Variants in MAGI1 observed in about 807,000 individuals in gnomAD.
MAGI1 encodes the protein membrane-associated guanylate kinase, WW and PDZ domain-containing protein 1.
A neutral mutation model predicts 139.9 loss-of-function variants in MAGI1; 58 were observed. That is an observed-to-expected ratio of 0.41 (90% confidence interval 0.34 to 0.52). MAGI1 has a LOEUF of 0.52. Ranked by LOEUF, MAGI1 falls within the 20% of genes least tolerant of loss-of-function variation. The pLI is 0.12. For missense variants in MAGI1, 1,874 were observed against 1,901.6 expected, an observed-to-expected ratio of 0.99 and a Z score of 0.27; for synonymous variants, 812 against 737.9, an observed-to-expected ratio of 1.10 and a Z score of -1.63.
intron 1 of MAGI1, among the ~76,000 whole-genome samples, chr3:65,696,158 C>T (rs1224955803): frequency 6.6e-6 from 1 of 152,136 alleles, no homozygotes; most frequent in Admixed American, 6.6e-5. Context: ...GAAGCATTTT[C>T]CTCCATCAGA....
At position 65,999,636 on chromosome 3, in the gene MAGI1, C is replaced by T. The variant is rs115189236; in HGVS notation, c.313+38360G>A. Among the ~76,000 whole-genome samples the T allele has an allele frequency of 7.3e-3, 1,116 of 152,232 alleles. 10 individuals are homozygous for T. Among genetic ancestry groups the T allele is most frequent in the African/African-American group, 0.025 (1,047 of 41,558 alleles). On this transcript the variant is annotated intron_variant, in intron 1 of 22. Coordinates refer to ENST00000402939, the MANE Select transcript of MAGI1 (RefSeq NM_001033057.2). ...TTTCTCCATCTCAAATCACTTTCTA[C>T]ACATGGTATTAATGTTGGTTTATTC...
chr3:65,516,072 G>A (rs1314317289), intron 2 of MAGI1, among the ~76,000 whole-genome samples: 1 of 152,162 alleles, frequency 6.6e-6, no homozygotes, highest in Admixed American at 6.5e-5. Flanking sequence ...GGGTGCAGTG[G>A]CACACACTGA....
chr3:65,737,018 CTTTT>C (rs961269662), intron 1 of MAGI1, among the ~76,000 whole-genome samples: 4 of 131,404 alleles, frequency 3.0e-5, no homozygotes, highest in African/African-American at 1.1e-4. Context: ...TTTTTTTTTT[CTTTT>C]TGAGACGGAG....
In MAGI1 at chr3:65,812,699, C is replaced by CTTTT. The variant is rs539502538; in HGVS notation, c.314-190615_314-190612dup. ...AAACTGACTGGTTAAAGTTAGTTTA[C>CTTTT]TTTTTTTTTTTTTTTTTTTTTTTTT... On this transcript the variant is annotated intron_variant, in intron 1 of 22. Coordinates refer to ENST00000402939, the MANE Select transcript of MAGI1 (RefSeq NM_001033057.2). Among the ~76,000 whole-genome samples the CTTTT allele has an allele frequency of 7.1e-4, 52 of 72,908 alleles. 4 individuals are homozygous for CTTTT. The highest frequency in any genetic ancestry group is 0.017 in the Middle Eastern group (1 of 58). 47.8% of individuals were successfully genotyped at this position (72,908 alleles called of 152,430 possible).
rs534158199 is a variant in MAGI1, at chr3:65,919,584, C to A, written c.313+118412G>T. Among the ~76,000 whole-genome samples the A allele has an allele frequency of 2.3e-5, 3 of 130,240 alleles. No homozygotes were observed. The East Asian group carries it at 5.8e-4, about 25-fold the overall frequency. The allele number at this position is 130,240 out of a possible 152,430, so 85.4% of individuals were successfully genotyped here. A position where few individuals can be genotyped will look rare whatever the true frequency, so the allele number is the denominator to read the frequency against. On this transcript the variant is annotated intron_variant, in intron 1 of 22. Transcript: ENST00000402939. ...CTCAAAAAAAAACAAAAAGAAAAAA[C>A]AAACAAACAAAAAAGAAACAAACAA...
chr3:65,684,250 A>C (rs1398482303), intron 1 of MAGI1, among the ~76,000 whole-genome samples: 2 of 151,986 alleles, frequency 1.3e-5, no homozygotes, highest in Admixed American at 1.3e-4. Context: ...ATCCCAGAAA[A>C]AGGAAAATTT....
At chr3:65,412,567 C>G (rs1945878304) in intron 12 of MAGI1, among the ~76,000 whole-genome samples, 1 of 152,164 alleles carries the variant, frequency 6.6e-6, no homozygotes, top group Non-Finnish European at 1.5e-5. Context: ...GTCAACAGTT[C>G]AATAAACACC....
intron 1 of MAGI1, among the ~76,000 whole-genome samples, chr3:66,037,168 T>A (rs1223064979): frequency 6.6e-6 from 1 of 152,166 alleles, no homozygotes; most frequent in Admixed American, 6.5e-5. Context: ...TCCTTATCTC[T>A]AATTTGGGGT....
intron 1 of MAGI1, among the ~76,000 whole-genome samples, chr3:65,963,431 C>A (rs1327376640): frequency 6.6e-6 from 1 of 151,870 alleles, no homozygotes; most frequent in Non-Finnish European, 1.5e-5. Context: ...TCCTGGCCAA[C>A]ATGGTGAAAC....
intron 1 of MAGI1, among the ~76,000 whole-genome samples, chr3:65,979,527 C>T (rs1278665223): frequency 6.6e-6 from 1 of 152,152 alleles, no homozygotes; most frequent in African/African-American, 2.4e-5. Context: ...TCACTGTTGT[C>T]TTGCTTCAGG....
intron 1 of MAGI1, among the ~76,000 whole-genome samples, chr3:65,834,651 C>G (rs36031220): frequency 1.0e-3 from 154 of 152,278 alleles, no homozygotes; most frequent in Non-Finnish European, 1.9e-3. Flanking sequence ...TCTAGTTGTT[C>G]TATCAATTAT....
At chr3:65,393,115 C>T (rs542078062) in intron 13 of MAGI1, among the ~76,000 whole-genome samples, 1 of 152,284 alleles carries the variant, frequency 6.6e-6, no homozygotes, top group East Asian at 1.9e-4. Flanking sequence ...GTTGCCATTC[C>T]AGAGTTGATA....
chr3:65,671,669 A>T (rs1301215029), intron 1 of MAGI1, among the ~76,000 whole-genome samples: 1 of 152,176 alleles, frequency 6.6e-6, no homozygotes, highest in African/African-American at 2.4e-5. Context: ...TAGTTATGTC[A>T]TCTTGAGAAA....
intron 1 of MAGI1, among the ~76,000 whole-genome samples, chr3:65,624,763 T>C (rs1437688178): frequency 1.3e-5 from 2 of 152,242 alleles, no homozygotes; most frequent in African/African-American, 4.8e-5. Context: ...GAGGATTCTA[T>C]ACACGGGGCC....
intron 1 of MAGI1, among the ~76,000 whole-genome samples, chr3:65,778,298 C>T (rs1293603777): frequency 1.3e-5 from 2 of 151,758 alleles, no homozygotes; most frequent in African/African-American, 2.4e-5. Context: ...GGCATGGTGG[C>T]GGGTGCCTGT....
At chr3:65,650,590 T>C (rs1442520298) in intron 1 of MAGI1, among the ~76,000 whole-genome samples, 1 of 152,220 alleles carries the variant, frequency 6.6e-6, no homozygotes, top group African/African-American at 2.4e-5. Flanking sequence ...CATCCCTGTG[T>C]TAACACCTTG....
intron 1 of MAGI1, among the ~76,000 whole-genome samples, chr3:65,662,517 G>A (rs1421951402): frequency 6.6e-6 from 1 of 152,208 alleles, no homozygotes; most frequent in Non-Finnish European, 1.5e-5. Flanking sequence ...ACCAATCACT[G>A]ATCTAAATAG....
At chr3:65,565,856 CAAAAAA>C (rs766254957) in intron 2 of MAGI1, among the ~76,000 whole-genome samples, 113 of 93,944 alleles carry the variant, frequency 1.2e-3, no homozygotes, top group African/African-American at 5.2e-3. Flanking sequence ...GACTCCGTGT[CAAAAAA>C]AAAAAAAAAA....
At chr3:65,423,375 C>T (rs1038588941) in intron 12 of MAGI1, among the ~76,000 whole-genome samples, 1 of 150,436 alleles carries the variant, frequency 6.6e-6, no homozygotes, top group African/African-American at 2.4e-5. Context: ...CACGTGCGTG[C>T]ACACACGCGC....
Sources: gnomAD v4.1 joint callset for allele counts (sites outside exome capture counted in the v4.1 genomes callset) on GRCh38, gnomAD v4.1.1 for gene constraint, MANE v1.5 for transcripts, NCBI Gene and HGNC (gene_info 2026-07-23, HGNC 2026-07-21) for gene names.